NRN1: variants seen among roughly 807,000 people sequenced by gnomAD.
The protein encoded by NRN1 is neuritin.
In NRN1, 4 loss-of-function variants were observed where a neutral mutation model predicts 15.0. The ratio of observed to expected loss-of-function variants is 0.27; its 90% CI spans 0.13 to 0.61. The LOEUF (loss-of-function observed/expected upper bound fraction) is 0.61. NRN1 is among the 20% of genes least tolerant of loss of function. The pLI is 0.87. For synonymous variants in NRN1, 85 were observed against 79.8 expected (o/e 1.07, Z -0.35); for missense variants, 134 against 181.9 (o/e 0.74, Z 1.51).
intron 1 of NRN1, chr6:6,002,794 C>A (rs1757992301): frequency 1.1e-5 from 5 of 441,254 alleles, no homozygotes; most frequent in Non-Finnish European, 2.0e-5. Flanking sequence ...CGCTCCGTAT[C>A]TTTTTCTGTT....
At chr6:6,002,712 G>T in intron 1 of NRN1, 2 of 647,210 alleles carry the variant, frequency 3.1e-6, no homozygotes, top group Admixed American at 5.9e-5. Flanking sequence ...GCAAATTGTC[G>T]GTGTGTGAGC....
At chr6:6,003,838 G>A (rs1758034936) in intron 1 of NRN1, 1 of 1,233,408 alleles carries the variant, frequency 8.1e-7, no homozygotes, top group Non-Finnish European at 1.0e-6. Flanking sequence ...TTAGGGCGGG[G>A]AAGAAAGGGT....
chr6:6,006,244 C>G (rs533922955), intron 1 of NRN1, among the ~76,000 whole-genome samples: 1 of 152,314 alleles, frequency 6.6e-6, no homozygotes, highest in Admixed American at 6.5e-5. Context: ...ATGCAGCAGT[C>G]TGAGCCCTGG....
Position 5,998,975 on chromosome 6 carries a change from C to A in NRN1, c.*1G>T. ...GCGCGCGGGGGGAGCTGGCCCCACG[C>A]TCAGAAGGAAAGCCAGGTCGCTAAA... On this transcript the variant is annotated 3_prime_UTR_variant, in exon 3 of 3. Coordinates refer to ENST00000244766, the MANE Select transcript of NRN1 (RefSeq NM_016588.3). 1 of 1,608,180 alleles carries A rather than the reference C, an allele frequency of 6.2e-7. No individual in the cohort carries two copies. The highest frequency in any genetic ancestry group is 8.5e-7 in the Non-Finnish European group (1 of 1,177,622).
upstream of NRN1, among the ~76,000 whole-genome samples, chr6:6,007,294 A>T (rs111621370): frequency 3.3e-5 from 5 of 149,826 alleles, no homozygotes; most frequent in African/African-American, 1.2e-4. Flanking sequence ...CTTCCCCGCC[A>T]GGAGCTGGGG....
intron 2 of NRN1, among the ~76,000 whole-genome samples, chr6:6,001,209 C>T (rs1350371387): frequency 2.6e-5 from 4 of 152,152 alleles, no homozygotes; most frequent in African/African-American, 9.7e-5. Context: ...AACAAACACC[C>T]GTCCTTCCAC....
upstream of NRN1, chr6:6,007,041 C>A: frequency 2.4e-6 from 1 of 423,690 alleles, no homozygotes; most frequent in Non-Finnish European, 4.2e-6. Context: ...ACGAGCAGGC[C>A]TGACGTGGGG....
chr6:5,998,695 G>C lies in NRN1; in HGVS notation c.*281C>G. 3.2e-6 allele frequency: 1 copy of C among 309,874 alleles called. No homozygotes were observed. The allele number at this position is 309,874 out of a possible 1,614,324, so 19.2% of individuals were successfully genotyped here. ...TTAATAATAATAAAATTAAAAAATGGGGTGGGTTTGCCGTTTTCTTATTTG... is the reference window on the plus strand; with the variant it reads ...TTAATAATAATAAAATTAAAAAATGCGGTGGGTTTGCCGTTTTCTTATTTG... On this transcript the variant is annotated 3_prime_UTR_variant, in exon 3 of 3. Transcript: ENST00000244766.
intron 2 of NRN1, among the ~76,000 whole-genome samples, chr6:6,001,714 G>GT (rs1397182627): frequency 6.6e-6 from 1 of 152,184 alleles, no homozygotes; most frequent in African/African-American, 2.4e-5. Context: ...CTCTTTTTGG[G>GT]TAAAGTCACT....
At chr6:6,001,918 A>G (rs1172708256) in intron 2 of NRN1, among the ~76,000 whole-genome samples, 1 of 152,218 alleles carries the variant, frequency 6.6e-6, no homozygotes, top group Non-Finnish European at 1.5e-5. Context: ...AATCCAAACT[A>G]ACTGTTCTTC....
intron 1 of NRN1, chr6:6,003,726 G>T: frequency 8.1e-7 from 1 of 1,234,296 alleles, no homozygotes; most frequent in Middle Eastern, 2.1e-4. Context: ...CGCGGCTGTG[G>T]CCATCTCTTT....
chr6:6,005,297 G>C (rs1758078992), intron 1 of NRN1, among the ~76,000 whole-genome samples: 1 of 152,110 alleles, frequency 6.6e-6, no homozygotes, highest in Non-Finnish European at 1.5e-5. Flanking sequence ...AACATTTAAG[G>C]AATTTGCTGC....
Position 6,002,488 on chromosome 6 carries a change from A to T in NRN1, c.65T>A (p.Val22Glu). Residue 22 changes from valine (V) to glutamate (E), a missense_variant, in exon 2 of 3, where the codon GTG becomes GAG. Val to Glu is a moderately radical substitution (Grantham distance 121, BLOSUM62 -2). Coordinates refer to ENST00000244766, the MANE Select transcript of NRN1 (RefSeq NM_016588.3). ...LILAVQIAYLVQAVRAAGKCD... is the reference protein window; with the variant it reads ...LILAVQIAYLEQAVRAAGKCD... ...CTTGCCCGCTGCTCTCACGGCCTGC[A>T]CCAGATACGCTGCGGGGAGGAGGGA... is the stretch of plus-strand genomic sequence containing the variant. 1 of 1,613,728 alleles carries T rather than the reference A, an allele frequency of 6.2e-7. No individual in the cohort carries two copies. The highest frequency in any genetic ancestry group is 1.1e-5 in the South Asian group (1 of 91,080).
Position 5,998,946 on chromosome 6 carries a change from G to A in NRN1, c.*30C>T. On this transcript the variant is annotated 3_prime_UTR_variant, in exon 3 of 3. Transcript: ENST00000244766. ...TTCCGGGAGCATGGAGTGAGTGTGG[G>A]TGGGCGCGCGGGGGGAGCTGGCCCC... 1 of 1,542,344 alleles carries A rather than the reference G, an allele frequency of 6.5e-7. No homozygotes were observed. The highest frequency in any genetic ancestry group is 8.9e-7 in the Non-Finnish European group (1 of 1,124,924).
At chr6:6,000,369 G>A (rs567946451) in intron 2 of NRN1, among the ~76,000 whole-genome samples, 1 of 152,194 alleles carries the variant, frequency 6.6e-6, no homozygotes, top group East Asian at 1.9e-4. Flanking sequence ...ATCCCAACCC[G>A]TGATCGATTC....
chr6:6,004,954 A>G (rs1758068246), intron 1 of NRN1, among the ~76,000 whole-genome samples: 1 of 148,178 alleles, frequency 6.7e-6, no homozygotes, highest in Admixed American at 6.7e-5. Flanking sequence ...GCCAAATGTC[A>G]ATGATTTGGG....
At chr6:6,004,422 A>G (rs575261682) in intron 1 of NRN1, among the ~76,000 whole-genome samples, 1 of 152,044 alleles carries the variant, frequency 6.6e-6, no homozygotes, top group African/African-American at 2.4e-5. Flanking sequence ...GTCTCTCCCC[A>G]CCCCTTGCCT....
At chr6:6,006,664 C>T (rs1197039912) in intron 1 of NRN1, 31 bp downstream of exon 1, 2 of 1,611,400 alleles carry the variant, frequency 1.2e-6, no homozygotes, top group Non-Finnish European at 1.7e-6. Flanking sequence ...CTCCCGCCTC[C>T]AGCCTCCAGC....
At chr6:6,003,640 G>GC (rs1758028157) in intron 1 of NRN1, 2 of 1,111,478 alleles carry the variant, frequency 1.8e-6, no homozygotes, top group Non-Finnish European at 2.3e-6. Flanking sequence ...CAAGCCCCAA[G>GC]CCCCCAAGCC....
Sources: allele counts gnomAD v4.1 joint callset (sites outside exome capture counted in the v4.1 genomes callset), GRCh38; gene constraint gnomAD v4.1.1; transcripts MANE v1.5; gene names NCBI Gene and HGNC (gene_info 2026-07-23, HGNC 2026-07-21).